The following THADA variants were observed in gnomAD, a reference collection of about 807,000 sequenced individuals.
THADA encodes the protein tRNA (32-2'-O)-methyltransferase regulator THADA.
THADA carries 213 observed loss-of-function variants against 219.8 expected under a neutral mutation model. The observed-to-expected ratio is 0.97, with a 90% CI of 0.87 to 1.09. The LOEUF is 1.09. Among genes scored for constraint, THADA ranks in the 50% least tolerant of loss-of-function variants. THADA has a pLI of 0.00. For missense variants in THADA, 2,956 were observed against 2,311.3 expected (o/e 1.28, Z -5.72); for synonymous variants, 1,018 against 828.9 (o/e 1.23, Z -3.92).
chr2:43,540,204 C>T (rs1256719561), intron 21 of THADA, among the ~76,000 whole-genome samples: 1 of 152,226 alleles, frequency 6.6e-6, no homozygotes, highest in Non-Finnish European at 1.5e-5. Flanking sequence ...CTCTAGGACA[C>T]TGACGCCTAT....
At chr2:43,249,788 C>A (rs1198251470) in intron 36 of THADA, among the ~76,000 whole-genome samples, 3 of 152,180 alleles carry the variant, frequency 2.0e-5, no homozygotes, top group African/African-American at 7.2e-5. Context: ...ACCCCATCCC[C>A]TTCCCACCCC....
intron 31 of THADA, among the ~76,000 whole-genome samples, chr2:43,310,073 A>C (rs1253961323): frequency 2.0e-5 from 3 of 152,218 alleles, no homozygotes; most frequent in Non-Finnish European, 2.9e-5. Flanking sequence ...AGAGACCTAA[A>C]TAAATGGAAA....
In THADA at chr2:43,337,252, C is replaced by T. The variant is rs77659776; in HGVS notation, c.4343+6870G>A. On this transcript the variant is annotated intron_variant, in intron 30 of 37. Coordinates refer to ENST00000405975, the MANE Select transcript of THADA (RefSeq NM_022065.5). ...AAACAAAATGCTAACGCAGGGCCATCTCTGTTTGGTAATATAGAAAGTAAA... is the reference window on the plus strand; with the variant it reads ...AAACAAAATGCTAACGCAGGGCCATTTCTGTTTGGTAATATAGAAAGTAAA... Among the ~76,000 whole-genome samples, 16 of 152,282 alleles carry T rather than the reference C, an allele frequency of 1.1e-4. No homozygotes were observed. In the East Asian group the frequency reaches 2.9e-3, roughly 28 times the overall value.
At chr2:43,349,039 A>G (rs1667961256) in intron 29 of THADA, among the ~76,000 whole-genome samples, 1 of 152,174 alleles carries the variant, frequency 6.6e-6, no homozygotes, top group Non-Finnish European at 1.5e-5. Flanking sequence ...TCAGAAAAAG[A>G]CTGAAAGCAC....
At chr2:43,397,787 AGT>A (rs904239308) in intron 29 of THADA, among the ~76,000 whole-genome samples, 182 bp downstream of exon 29, 1 of 152,148 alleles carries the variant, frequency 6.6e-6, no homozygotes, top group African/African-American at 2.4e-5. Context: ...GTAACACTGT[AGT>A]GATATTTGGG....
chr2:43,372,869 A>AT (rs1558656027), intron 29 of THADA, among the ~76,000 whole-genome samples: 1 of 152,052 alleles, frequency 6.6e-6, no homozygotes, highest in Non-Finnish European at 1.5e-5. Context: ...ACCTTCGCTA[A>AT]TTTTTTGTAT....
chr2:43,571,617 C>A, intron 13 of THADA, 90 bp downstream of exon 13: 1 of 1,352,426 alleles, frequency 7.4e-7, no homozygotes, highest in South Asian at 1.4e-5. Context: ...ATGACCATTC[C>A]CACACGCTCC....
At chr2:43,518,597 G>A (rs776635450) in intron 22 of THADA, among the ~76,000 whole-genome samples, 2 of 152,160 alleles carry the variant, frequency 1.3e-5, no homozygotes, top group Non-Finnish European at 2.9e-5. Flanking sequence ...TTATTTAACC[G>A]AGGTTTGTAC....
chr2:43,505,824 T>A (rs901779576), intron 23 of THADA, 89 bp from the exon 24 acceptor site: 23 of 893,816 alleles, frequency 2.6e-5, no homozygotes, highest in Non-Finnish European at 3.8e-5. Context: ...AAATGCAAAA[T>A]CCCCTTAATA....
chr2:43,393,217 G>A (rs1446691932), intron 29 of THADA, among the ~76,000 whole-genome samples: 1 of 152,224 alleles, frequency 6.6e-6, no homozygotes, highest in East Asian at 1.9e-4. Flanking sequence ...GACTTCTTCT[G>A]TCTCAATAAC....
chr2:43,241,328 A>G (rs1365291123), intron 36 of THADA, among the ~76,000 whole-genome samples: 2 of 151,790 alleles, frequency 1.3e-5, no homozygotes, highest in African/African-American at 2.4e-5. Flanking sequence ...GGCTCAAGTG[A>G]TCCACACACC....
intron 29 of THADA, among the ~76,000 whole-genome samples, chr2:43,395,455 C>G (rs914940017): frequency 6.6e-6 from 1 of 151,764 alleles, no homozygotes; most frequent in Non-Finnish European, 1.5e-5. Flanking sequence ...AGTGGAAACT[C>G]AAGGGAGATG....
chr2:43,331,551 C>A lies in THADA; in HGVS notation c.4344-11011G>T, dbSNP rs191599669. Among the ~76,000 whole-genome samples, 5 of 152,318 alleles carry A rather than the reference C, an allele frequency of 3.3e-5. No individual in the cohort carries two copies. The East Asian group carries it at 9.7e-4, about 29-fold the overall frequency. ...TCTGGCTGACATCTGAGGGTTTCCA[C>A]AACTGGTCTCTTATCAAATCTTGCA... On this transcript the variant is annotated intron_variant, in intron 30 of 37. Coordinates refer to ENST00000405975, the MANE Select transcript of THADA (RefSeq NM_022065.5).
chr2:43,237,690 C>A (rs375449760), intron 36 of THADA, among the ~76,000 whole-genome samples: 1 of 151,916 alleles, frequency 6.6e-6, no homozygotes, highest in African/African-American at 2.4e-5. Flanking sequence ...TGAGCCACCA[C>A]GCCCGGCCTT....
chr2:43,353,121 T>C (rs1668471290), intron 29 of THADA, among the ~76,000 whole-genome samples: 1 of 152,226 alleles, frequency 6.6e-6, no homozygotes, highest in South Asian at 2.1e-4. Context: ...ATAATCTATC[T>C]ATCTCAGTTT....
At chr2:43,578,076 A>G (rs891595499) in intron 9 of THADA, among the ~76,000 whole-genome samples, 3 of 152,068 alleles carry the variant, frequency 2.0e-5, no homozygotes, top group African/African-American at 7.2e-5. Context: ...CTCTTATTAT[A>G]ACAGAAAAAG....
intron 29 of THADA, among the ~76,000 whole-genome samples, chr2:43,365,416 C>T: frequency 6.6e-6 from 1 of 151,798 alleles, no homozygotes; most frequent in East Asian, 1.9e-4. Flanking sequence ...ACTAAAAATA[C>T]AAAAATTAGC....
chr2:43,528,802 T>C (rs1172214138), intron 21 of THADA, among the ~76,000 whole-genome samples: 1 of 152,198 alleles, frequency 6.6e-6, no homozygotes, highest in Non-Finnish European at 1.5e-5. Context: ...TTTTTTTTCT[T>C]TTTTATTGTG....
At chr2:43,530,898 C>G (rs568056163) in intron 21 of THADA, among the ~76,000 whole-genome samples, 4 of 152,324 alleles carry the variant, frequency 2.6e-5, no homozygotes, top group South Asian at 2.1e-4. Flanking sequence ...GTTCTAAGGA[C>G]AAAACTGAGA....
Sources: allele counts gnomAD v4.1 joint callset (sites outside exome capture counted in the v4.1 genomes callset), GRCh38; gene constraint gnomAD v4.1.1; transcripts MANE v1.5; gene names NCBI Gene and HGNC (gene_info 2026-07-23, HGNC 2026-07-21).